The following ATXN7L2 variants were observed in gnomAD, a reference collection of about 807,000 sequenced individuals.
ATXN7L2 encodes the protein ataxin-7-like protein 2.
A neutral mutation model predicts 59.6 loss-of-function variants in ATXN7L2; 17 were observed. That is an observed-to-expected ratio of 0.29 (90% CI 0.20 to 0.43). ATXN7L2 has a LOEUF of 0.43. Among genes scored for constraint, ATXN7L2 ranks in the 20% least tolerant of loss-of-function variants. ATXN7L2 has a pLI of 1.00. For synonymous variants in ATXN7L2, 378 were observed against 392.5 expected (o/e 0.96, Z 0.44); for missense variants, 858 against 1,008.9 (o/e 0.85, Z 2.03).
Position 109,486,470 on chromosome 1 carries a change from C to G in ATXN7L2, c.194-36C>G, listed in dbSNP as rs1656590849. Reference sequence around the variant, plus strand: ...CGATCTTCCAGAGAAACCCTGGGATCTTCAGCCCCAGTGACATGGGCTTCT... The same window carrying G: ...CGATCTTCCAGAGAAACCCTGGGATGTTCAGCCCCAGTGACATGGGCTTCT... On this transcript the variant is annotated intron_variant, in intron 2 of 10. Transcript: ENST00000683729. The surrounding 1 kb of genome is among the most constrained non-coding windows in gnomAD (Gnocchi z 4.3). 6.4e-7 allele frequency: 1 copy of G among 1,561,254 alleles called. No homozygotes were observed. Among genetic ancestry groups the G allele is most frequent in the Admixed American group, 1.7e-5 (1 of 58,888 alleles).
Position 109,486,222 on chromosome 1 carries a change from G to C in ATXN7L2, c.193+100G>C. On this transcript the variant is annotated intron_variant, in intron 2 of 10. Transcript: ENST00000683729. This position sits in a 1 kb window ranked among gnomAD's most constrained non-coding sequence, Gnocchi z 4.3. Reference sequence around the variant, plus strand: ...AAGGAGGTGGCTGCTTGAAGCAGCTGTCTGGGGACCCTCATTTTGATAGGT... The same window carrying C: ...AAGGAGGTGGCTGCTTGAAGCAGCTCTCTGGGGACCCTCATTTTGATAGGT... 1.4e-6 allele frequency: 2 copies of C among 1,468,636 alleles called. No homozygotes were observed. Among genetic ancestry groups the C allele is most frequent in the Non-Finnish European group, 1.8e-6 (2 of 1,106,038 alleles). The allele number at this position is 1,468,636 out of a possible 1,614,324, so 91.0% of individuals were successfully genotyped here.
chr1:109,485,786 TC>T (rs1557867511), intron 1 of ATXN7L2: 1 of 1,137,218 alleles, frequency 8.8e-7, no homozygotes, highest in Non-Finnish European at 1.1e-6. Flanking sequence ...GATGGATTCT[TC>T]TTAGTGGGGC....
chr1:109,491,751 T>C lies in ATXN7L2; in HGVS notation c.2250+34T>C. 1 of 1,540,580 alleles carries C rather than the reference T, an allele frequency of 6.5e-7. No individual in the cohort carries two copies. The highest frequency in any genetic ancestry group is 1.4e-5 in the African/African-American group (1 of 73,060). On this transcript the variant is annotated intron_variant, in intron 10 of 10. Coordinates refer to ENST00000683729, the MANE Select transcript of ATXN7L2 (RefSeq NM_001350175.2). This position sits in a 1 kb window ranked among gnomAD's most constrained non-coding sequence, Gnocchi z 4.1. ...CAGGCTCCCTGAAGATTGATGAGGG[T>C]GGGGCACACAGGGGGTACCTGATAC...
At chr1:109,492,210 C>A in intron 10 of ATXN7L2, 1 of 746,380 alleles carries the variant, frequency 1.3e-6, no homozygotes, top group Non-Finnish European at 1.7e-6. Context: ...TCCAGGTGTG[C>A]AGGTGACAGG....
Position 109,491,273 on chromosome 1 carries a change from A to G in ATXN7L2, c.1806A>G (p.Arg602=), listed in dbSNP as rs764718987. Reference sequence around the variant, plus strand: ...GGGTGGAGGTGGAGGCCCCTTCTCGAAAGCGGAAGTTATCCCCTGGCCCTA... The same window carrying G: ...GGGTGGAGGTGGAGGCCCCTTCTCGGAAGCGGAAGTTATCCCCTGGCCCTA... ...KDGVEVEAPS[R]KRKLSPGPTT... is the part of the protein sequence containing the mutation. Residue 602 remains arginine, a synonymous_variant, in exon 10 of 11, where the codon CGA becomes CGG. Coordinates refer to ENST00000683729, the MANE Select transcript of ATXN7L2 (RefSeq NM_001350175.2). The surrounding 1 kb of genome is among the most constrained non-coding windows in gnomAD (Gnocchi z 4.1). The G allele has an allele frequency of 2.5e-6, 4 of 1,614,262 alleles. No homozygotes were observed. In the South Asian group the frequency reaches 3.3e-5, roughly 13 times the overall value.
Position 109,488,820 on chromosome 1 carries a change from C to G in ATXN7L2, c.880-27C>G. ...CCCCTTCTCAGTTCATACCTACTCC[C>G]CAGCTCTCCACTCTGCTGTATTCTA... On this transcript the variant is annotated intron_variant, in intron 6 of 10. Transcript: ENST00000683729. This position sits in a 1 kb window ranked among gnomAD's most constrained non-coding sequence, Gnocchi z 5.0. 2 of 1,603,344 alleles carry G rather than the reference C, an allele frequency of 1.2e-6. No homozygotes were observed. Among genetic ancestry groups the G allele is most frequent in the Non-Finnish European group, 1.7e-6 (2 of 1,172,692 alleles).
At chr1:109,484,731 A>G (rs1656450804) in intron 1 of ATXN7L2, among the ~76,000 whole-genome samples, 1 of 152,114 alleles carries the variant, frequency 6.6e-6, no homozygotes, top group Non-Finnish European at 1.5e-5. Context: ...GCGGGCCTAC[A>G]GCCCCTTCTT....
At position 109,486,274 on chromosome 1, in the gene ATXN7L2, T is replaced by C; in HGVS notation, c.193+152T>C. ...CGAGTCGGCCGGTTGTTCTGGCTCC[T>C]GTGACCTGTCGTTGGAGATCATAAT... On this transcript the variant is annotated intron_variant, in intron 2 of 10. Coordinates refer to ENST00000683729, the MANE Select transcript of ATXN7L2 (RefSeq NM_001350175.2). This position sits in a 1 kb window ranked among gnomAD's most constrained non-coding sequence, Gnocchi z 4.3. The C allele has an allele frequency of 8.0e-7, 1 of 1,247,362 alleles. No homozygotes were observed. Among genetic ancestry groups the C allele is most frequent in the African/African-American group, 1.5e-5 (1 of 65,718 alleles). The allele number at this position is 1,247,362 out of a possible 1,614,324, so 77.3% of individuals were successfully genotyped here.
chr1:109,487,441 G>A lies in ATXN7L2; in HGVS notation c.510-77G>A, dbSNP rs911671240. 5.1e-6 allele frequency: 7 copies of A among 1,361,406 alleles called. No homozygotes were observed. In the African/African-American group the frequency reaches 8.9e-5, roughly 17 times the overall value. The allele number at this position is 1,361,406 out of a possible 1,614,324, so 84.3% of individuals were successfully genotyped here. ...CAAATTCCAGGGCTGGGAAAGAGAT[G>A]GCTCTGGGCTAGAGTCCAGGCCCCA... On this transcript the variant is annotated intron_variant, in intron 4 of 10. Coordinates refer to ENST00000683729, the MANE Select transcript of ATXN7L2 (RefSeq NM_001350175.2).
At chr1:109,484,982 C>T (rs693663) in intron 1 of ATXN7L2, among the ~76,000 whole-genome samples, 13,611 of 152,158 alleles carry the variant, frequency 0.089, 2,011 homozygotes, top group African/African-American at 0.31. Flanking sequence ...TTGTCTCTTG[C>T]GTGCCTAACC....
rs891110073 is a variant in ATXN7L2, at chr1:109,488,654, G to A, written c.879+189G>A. 2.6e-5 allele frequency among the ~76,000 whole-genome samples: 4 copies of A among 152,178 alleles called. No homozygotes were observed. The South Asian group carries it at 8.3e-4, about 31-fold the overall frequency. ...AGGTGGGAACAGTGGGAAGGAGGGAGTTTCCAGATTCCCCCATCCCAAAGG... is the reference window on the plus strand; with the variant it reads ...AGGTGGGAACAGTGGGAAGGAGGGAATTTCCAGATTCCCCCATCCCAAAGG... On this transcript the variant is annotated intron_variant, in intron 6 of 10. Transcript: ENST00000683729. The surrounding 1 kb of genome is among the most constrained non-coding windows in gnomAD (Gnocchi z 5.0).
In ATXN7L2 at chr1:109,490,295, G is replaced by A. The variant is rs2101036229; in HGVS notation, c.1357G>A (p.Val453Met). The part of the protein sequence containing the change: ...QAFCTFGSRL[V>M]SPGCYVFSRR... The stretch of plus-strand genomic sequence containing the variant: ...GTTCTGCACCTTTGGGAGCCGGCTG[G>A]TGAGCCCAGGATGCTATGTGTTTAG... The change falls in exon 9 of 11, where the codon GTG becomes ATG. Residue 453 changes from valine (V) to methionine (M), a missense_variant. Val to Met is a conservative substitution (Grantham distance 21, BLOSUM62 1). This residue lies in a region of ATXN7L2 where 734 missense variants were observed against 862.3 expected (regional missense o/e 0.85). Coordinates refer to ENST00000683729, the MANE Select transcript of ATXN7L2 (RefSeq NM_001350175.2). The A allele has an allele frequency of 6.2e-7, 1 of 1,613,886 alleles. No individual in the cohort carries two copies. The highest frequency in any genetic ancestry group is 2.2e-5 in the East Asian group (1 of 44,882).
intron 1 of ATXN7L2, chr1:109,485,693 T>C: frequency 9.9e-7 from 1 of 1,005,728 alleles, no homozygotes; most frequent in Non-Finnish European, 1.2e-6. Context: ...AGAAAAGAGA[T>C]GATACTTACC....
chr1:109,491,603 G>A lies in ATXN7L2; in HGVS notation c.2136G>A (p.Arg712=). The A allele has an allele frequency of 1.2e-6, 2 of 1,613,666 alleles. No homozygotes were observed. Among genetic ancestry groups the A allele is most frequent in the Non-Finnish European group, 1.7e-6 (2 of 1,179,956 alleles). ...GGAAAAACCTGGCCACTTATTGCCG[G>A]CCAGTGAAGGCCAAGCACTGTCAGG... The part of the protein sequence containing the change: ...KKRKNLATYC[R]PVKAKHCQAG... The change falls in exon 10 of 11, where the codon CGG becomes CGA. Residue 712 remains arginine, a synonymous_variant. Coordinates refer to ENST00000683729, the MANE Select transcript of ATXN7L2 (RefSeq NM_001350175.2). This position sits in a 1 kb window ranked among gnomAD's most constrained non-coding sequence, Gnocchi z 4.1.
chr1:109,485,396 T>C (rs1399712153), intron 1 of ATXN7L2: 5 of 985,454 alleles, frequency 5.1e-6, no homozygotes, highest in Non-Finnish European at 6.0e-6. Context: ...CTTGCATAGC[T>C]GACCAAGGAG....
intron 10 of ATXN7L2, chr1:109,492,181 T>C (rs556910805): frequency 5.5e-4 from 513 of 931,288 alleles, no homozygotes; most frequent in Non-Finnish European, 6.7e-4. Context: ...CCATGTCCAC[T>C]TATGCACATG....
rs188281223 is a variant in ATXN7L2, at chr1:109,490,375, C to T, written c.1437C>T (p.Leu479=). Residue 479 remains leucine, a synonymous_variant, in exon 9 of 11, where the codon CTC becomes CTT. Transcript: ENST00000683729. The part of the protein sequence containing the change: ...SALSSMLERH[L]STHMWKKIPP... ...TCAGCTCCATGCTGGAACGGCACCT[C>T]AGCACACACATGTGGAAGTAAGTCT... 3 of 1,613,386 alleles carry T rather than the reference C, an allele frequency of 1.9e-6. No homozygotes were observed. The highest frequency in any genetic ancestry group is 1.3e-5 in the African/African-American group (1 of 75,054).
chr1:109,487,640 C>T lies in ATXN7L2; in HGVS notation c.632C>T (p.Ser211Phe). ...CAGCCAGGGGGCCTCACCAAGGACT[C>T]CCCTGGAAAACCTCCCATGGCTCCC... ...LSQPGGLTKD[S>F]PGKPPMAPPS... is the part of the protein sequence containing the mutation. Residue 211 changes from serine to phenylalanine, a missense_variant, in exon 5 of 11, where the codon TCC becomes TTC. Ser to Phe is a radical substitution (Grantham distance 155). Coordinates refer to ENST00000683729, the MANE Select transcript of ATXN7L2 (RefSeq NM_001350175.2). 1.2e-6 allele frequency: 2 copies of T among 1,608,828 alleles called. No individual in the cohort carries two copies. The highest frequency in any genetic ancestry group is 1.7e-6 in the Non-Finnish European group (2 of 1,177,578).
rs1244199373 is a variant in ATXN7L2, at chr1:109,488,907, G to C, written c.940G>C (p.Val314Leu). 1.9e-6 allele frequency: 3 copies of C among 1,614,120 alleles called. No individual in the cohort carries two copies. The highest frequency in any genetic ancestry group is 2.5e-6 in the Non-Finnish European group (3 of 1,180,026). Residue 314 changes from valine to leucine, a missense_variant, in exon 7 of 11, where the codon GTG becomes CTG. By Grantham distance (32) the Val-to-Leu change is conservative. Transcript: ENST00000683729. The surrounding 1 kb of genome is among the most constrained non-coding windows in gnomAD (Gnocchi z 5.0). ...CCGGGCCAAGGACTTTGACGTGCTG[G>C]TGGCAGAGCTGAAGGCCAACTCCCG... ...QGRAKDFDVL[V>L]AELKANSRKG...
Sources: allele counts gnomAD v4.1 joint callset (sites outside exome capture counted in the v4.1 genomes callset), GRCh38; gene constraint gnomAD v4.1.1; regional missense constraint gnomAD v4.1.1; non-coding constraint Gnocchi (gnomAD v3.1); transcripts MANE v1.5; gene names NCBI Gene and HGNC (gene_info 2026-07-23, HGNC 2026-07-21).